The following AP3B2 variants were observed in gnomAD, a reference collection of about 807,000 sequenced individuals.
AP3B2 encodes AP-3 complex subunit beta-2.
A neutral mutation model predicts 126.9 loss-of-function variants in AP3B2; 50 were observed. The ratio of observed to expected loss-of-function variants is 0.39; its 90% CI spans 0.31 to 0.50. The LOEUF (loss-of-function observed/expected upper bound fraction) is 0.50, where lower values mean the gene tolerates loss of function less well. Ranked by LOEUF, AP3B2 falls within the 20% of genes least tolerant of loss-of-function variation. AP3B2 has a pLI of 0.79. For missense variants in AP3B2, 1,177 were observed against 1,426.4 expected (o/e 0.83, Z 2.82); for synonymous variants, 541 against 565.0 (o/e 0.96, Z 0.60).
intron 14 of AP3B2, among the ~76,000 whole-genome samples, chr15:82,669,499 G>A (rs1317530350): frequency 1.3e-5 from 2 of 151,778 alleles, no homozygotes; most frequent in South Asian, 2.1e-4. Context: ...TGAGACCATC[G>A]TGGCCAACAT....
rs1384361961 is a variant in AP3B2 at position 82,688,474 on chromosome 15, T to A, written c.360+262A>T. 3 of 702,250 alleles carry A rather than the reference T, an allele frequency of 4.3e-6. No homozygotes were observed. The African/African-American group carries it at 5.2e-5, about 12-fold the overall frequency. The allele number at this position is 702,250 out of a possible 1,614,324, so 43.5% of individuals were successfully genotyped here. The stretch of plus-strand genomic sequence containing the variant: ...CTCCGGGGGCTCAAGTGGTTCATAC[T>A]AGAAGCAGCCATTACCACAGGCTCC... On this transcript the variant is annotated intron_variant, in intron 4 of 26. Transcript: ENST00000535359.
At position 82,679,874 on chromosome 15, in the gene AP3B2, T is replaced by A. The variant is rs2048304188; in HGVS notation, c.1111-74A>T. On this transcript the variant is annotated intron_variant, in intron 9 of 26. Coordinates refer to ENST00000535359, the MANE Select transcript of AP3B2 (RefSeq NM_001278512.2). ...CCTCGCTGCCCAGAGACACCCCTCC[T>A]ATCCTGACCCAGCGCCCAGGATCCT... 2.2e-6 allele frequency: 3 copies of A among 1,376,086 alleles called. No homozygotes were observed. In the South Asian group the frequency reaches 3.5e-5, roughly 16 times the overall value. The allele number at this position is 1,376,086 out of a possible 1,614,324, so 85.2% of individuals were successfully genotyped here.
intron 4 of AP3B2, among the ~76,000 whole-genome samples, chr15:82,682,714 C>T (rs146533718): frequency 1.3e-5 from 2 of 149,322 alleles, no homozygotes; most frequent in East Asian, 3.9e-4. Context: ...GAGTGAGATC[C>T]TATCTCCAAA....
chr15:82,665,089 G>C lies in AP3B2; in HGVS notation c.2029-146C>G. 9.7e-7 allele frequency: 1 copy of C among 1,031,436 alleles called. No homozygotes were observed. The highest frequency in any genetic ancestry group is 1.5e-5 in the South Asian group (1 of 66,666). 63.9% of individuals were successfully genotyped at this position (1,031,436 alleles called of 1,614,324 possible). On this transcript the variant is annotated intron_variant, in intron 17 of 26. Transcript: ENST00000535359. This position sits in a 1 kb window ranked among gnomAD's most constrained non-coding sequence, Gnocchi z 4.4. ...GGAATAACAGAGGAGGAAGAAAGGGGCACTGTCCATGGAGGGGAGGGAATG... is the reference window on the plus strand; with the variant it reads ...GGAATAACAGAGGAGGAAGAAAGGGCCACTGTCCATGGAGGGGAGGGAATG...
Position 82,665,001 on chromosome 15 carries a change from G to GGCAA in AP3B2, c.2029-59_2029-58insTTGC. 7.4e-7 allele frequency: 1 copy of GGCAA among 1,345,884 alleles called. No homozygotes were observed. The highest frequency in any genetic ancestry group is 1.0e-6 in the Non-Finnish European group (1 of 956,896). The allele number at this position is 1,345,884 out of a possible 1,614,324, so 83.4% of individuals were successfully genotyped here. On this transcript the variant is annotated intron_variant, in intron 17 of 26. Coordinates refer to ENST00000535359, the MANE Select transcript of AP3B2 (RefSeq NM_001278512.2). The surrounding 1 kb of genome is among the most constrained non-coding windows in gnomAD (Gnocchi z 4.4). ...ATCATGGTTGGGGAGAAGGCAGGCAGGCACAAGCCCTTACCCTTTATTCCA... is the reference window on the plus strand; with the variant it reads ...ATCATGGTTGGGGAGAAGGCAGGCAGGCAAGCACAAGCCCTTACCCTTTATTCCA...
At chr15:82,682,363 C>T (rs2048353888) in intron 4 of AP3B2, among the ~76,000 whole-genome samples, 1 of 152,002 alleles carries the variant, frequency 6.6e-6, no homozygotes, top group Admixed American at 6.6e-5. Flanking sequence ...CCAAGCCCTT[C>T]TTCTTTATTC....
rs749176646 is a variant in AP3B2, at chr15:82,664,508, G to A, written c.2138-18C>T. On this transcript the variant is annotated intron_variant, in intron 18 of 26. Coordinates refer to ENST00000535359, the MANE Select transcript of AP3B2 (RefSeq NM_001278512.2). This position sits in a 1 kb window ranked among gnomAD's most constrained non-coding sequence, Gnocchi z 4.5. ...CTCAGGGTCTGTGGAGGAACAATAT[G>A]AGGCCTCCTCCCTCATATGCAGGCC... 3 of 1,608,054 alleles carry A rather than the reference G, an allele frequency of 1.9e-6. No homozygotes were observed. The highest frequency in any genetic ancestry group is 1.7e-5 in the Admixed American group (1 of 59,062).
At chr15:82,698,796 C>T (rs900678570) in intron 1 of AP3B2, among the ~76,000 whole-genome samples, 4 of 152,112 alleles carry the variant, frequency 2.6e-5, no homozygotes, top group Admixed American at 2.0e-4. Context: ...CAAATGCACA[C>T]ACCCCAGGGC....
At chr15:82,670,937 G>A (rs764689301) in intron 14 of AP3B2, among the ~76,000 whole-genome samples, 8 of 152,192 alleles carry the variant, frequency 5.3e-5, no homozygotes, top group Non-Finnish European at 8.8e-5. Context: ...TAGCAAACAC[G>A]TATATGAAAA....
intron 21 of AP3B2, 130 bp from the exon 22 acceptor site, chr15:82,663,363 G>C (rs1021423374): frequency 3.1e-6 from 3 of 979,706 alleles, no homozygotes; most frequent in Admixed American, 2.0e-5. Flanking sequence ...GGAGGCTCTC[G>C]CAAAATACCC....
At chr15:82,699,612 G>A (rs575410160) in intron 1 of AP3B2, 1 of 400,020 alleles carries the variant, frequency 2.5e-6, no homozygotes, top group African/African-American at 2.1e-5. Flanking sequence ...TGGGTAGGGG[G>A]TTCCTGTGGG....
At chr15:82,705,010 A>G (rs1287110179) in intron 1 of AP3B2, among the ~76,000 whole-genome samples, 1 of 152,074 alleles carries the variant, frequency 6.6e-6, no homozygotes, top group East Asian at 1.9e-4. Context: ...TTCCCTTATT[A>G]GGCCGAGACA....
At chr15:82,690,838 A>G (rs1158403627) in intron 1 of AP3B2, among the ~76,000 whole-genome samples, 1 of 147,892 alleles carries the variant, frequency 6.8e-6, no homozygotes, top group Non-Finnish European at 1.5e-5. Flanking sequence ...TTGTATTTTT[A>G]GTAGAGACGG....
rs768775339 is a variant in AP3B2 at position 82,677,770 on chromosome 15, C to G, written c.1279G>C (p.Ala427Pro). 8.1e-6 allele frequency: 13 copies of G among 1,611,828 alleles called. No homozygotes were observed. The highest frequency in any genetic ancestry group is 9.3e-6 in the Non-Finnish European group (11 of 1,178,754). ...YIRSMDKDFV[A>P]ATIQAIGRCA... ...CGTCCAATGGCCTGGATTGTGGCTGCCACAAAGTCCTTGTCCATGCTGCGA... is the reference window on the plus strand; with the variant it reads ...CGTCCAATGGCCTGGATTGTGGCTGGCACAAAGTCCTTGTCCATGCTGCGA... Residue 427 changes from alanine to proline, a missense_variant, in exon 12 of 27, where the codon GCA (alanine) becomes CCA (proline). Transcript: ENST00000535359.
At chr15:82,682,721 C>CAA (rs1004169245) in intron 4 of AP3B2, among the ~76,000 whole-genome samples, 8 of 115,112 alleles carry the variant, frequency 6.9e-5, no homozygotes, top group Admixed American at 8.8e-5. Context: ...ATCCTATCTC[C>CAA]AAAAAAAAAA....
chr15:82,689,252 T>C lies in AP3B2; in HGVS notation c.190-20A>G, dbSNP rs2151449307. 7 of 1,613,778 alleles carry C rather than the reference T, an allele frequency of 4.3e-6. No individual in the cohort carries two copies. The highest frequency in any genetic ancestry group is 1.1e-5 in the South Asian group (1 of 91,080). On this transcript the variant is annotated intron_variant, in intron 2 of 26. Transcript: ENST00000535359. The stretch of plus-strand genomic sequence containing the variant: ...AATCATCTGGGTGGTGGGGTCAAGG[T>C]AGGGGAAGAGGGACAAAGCGAGAGG...
chr15:82,668,609 A>G (rs1043514922), intron 14 of AP3B2, among the ~76,000 whole-genome samples: 2 of 152,184 alleles, frequency 1.3e-5, no homozygotes, highest in Non-Finnish European at 2.9e-5. Flanking sequence ...CATGTTAACA[A>G]CCAACACAGG....
intron 1 of AP3B2, among the ~76,000 whole-genome samples, chr15:82,696,117 G>C (rs1228403924): frequency 1.3e-5 from 2 of 152,096 alleles, no homozygotes; most frequent in Non-Finnish European, 2.9e-5. Context: ...AGTCATATTG[G>C]ATTAGGGCCC....
At chr15:82,666,124 C>T in intron 15 of AP3B2, among the ~76,000 whole-genome samples, 1 of 152,370 alleles carries the variant, frequency 6.6e-6, no homozygotes, top group Non-Finnish European at 1.5e-5. Context: ...CCCAGAAGAA[C>T]TGAGCTTTGT....
Sources: gnomAD v4.1 joint callset for allele counts (sites outside exome capture counted in the v4.1 genomes callset) on GRCh38, gnomAD v4.1.1 for gene constraint, Gnocchi (gnomAD v3.1) non-coding constraint, MANE v1.5 for transcripts, NCBI Gene and HGNC (gene_info 2026-07-23, HGNC 2026-07-21) for gene names.